The following RGS22 variants were observed in gnomAD, a reference collection of about 807,000 sequenced individuals.
The protein encoded by RGS22 is regulator of G protein signaling 22, also known as regulator of G-protein signaling 22.
RGS22 carries 148 observed loss-of-function variants against 172.9 expected under a neutral mutation model. The observed-to-expected ratio is 0.86, with a 90% CI of 0.75 to 0.98. The LOEUF is 0.98. Among genes scored for constraint, RGS22 ranks in the 50% least tolerant of loss-of-function variants. RGS22 has a pLI of 0.00. For missense variants in RGS22, 1,347 were observed against 1,440.8 expected, an observed-to-expected ratio of 0.93 and a Z score of 1.05; for synonymous variants, 458 against 480.2, an observed-to-expected ratio of 0.95 and a Z score of 0.60.
intron 2 of RGS22, among the ~76,000 whole-genome samples, chr8:100,094,569 A>T (rs1469527070): frequency 6.6e-6 from 1 of 152,186 alleles, no homozygotes; most frequent in Non-Finnish European, 1.5e-5. Flanking sequence ...ACCTTAAAAG[A>T]TTTAGTTTTC....
At chr8:100,070,048 AC>A (rs200599771) in intron 6 of RGS22, among the ~76,000 whole-genome samples, 1,822 of 117,978 alleles carry the variant, frequency 0.015, 93 homozygotes, top group African/African-American at 0.036. Flanking sequence ...AAAAAAAAAA[AC>A]AAAACAAAAC....
chr8:100,086,175 TTAAAAA>T (rs1400077843), intron 3 of RGS22, among the ~76,000 whole-genome samples: 2 of 151,742 alleles, frequency 1.3e-5, no homozygotes, highest in Non-Finnish European at 2.9e-5. Flanking sequence ...CCCACAAAAA[TTAAAAA>T]TAAAAATAAA....
chr8:100,048,241 G>T (rs1402404326), intron 10 of RGS22, among the ~76,000 whole-genome samples: 1 of 152,028 alleles, frequency 6.6e-6, no homozygotes, highest in East Asian at 1.9e-4. Context: ...ATACTTAAAA[G>T]TAGTAGTTAC....
At chr8:100,091,138 A>G (rs1295781721) in intron 3 of RGS22, among the ~76,000 whole-genome samples, 2 of 152,106 alleles carry the variant, frequency 1.3e-5, no homozygotes, top group Non-Finnish European at 2.9e-5. Context: ...TTTGCCAGAC[A>G]CTTAGTTTGA....
chr8:99,989,300 C>A (rs560971822), intron 20 of RGS22, among the ~76,000 whole-genome samples: 1 of 152,090 alleles, frequency 6.6e-6, no homozygotes, highest in Admixed American at 6.6e-5. Context: ...AGGAAGACTA[C>A]GTTTATCATG....
In RGS22 at chr8:100,028,090, C is replaced by T. The variant is rs1818374631; in HGVS notation, c.2166+10841G>A. Among the ~76,000 whole-genome samples, 3 of 152,014 alleles carry T rather than the reference C, an allele frequency of 2.0e-5. No individual in the cohort carries two copies. The South Asian group carries it at 6.2e-4, about 32-fold the overall frequency. ...TGGTAGATGTGGGGGGTCTTAGTGT[C>T]ACTTTTCGCCTCTAAGAGCCCAGGG... On this transcript the variant is annotated intron_variant, in intron 14 of 27. Coordinates refer to ENST00000360863, the MANE Select transcript of RGS22 (RefSeq NM_015668.5).
Position 99,961,061 on chromosome 8 carries a change from AT to A in RGS22, c.*180del, listed in dbSNP as rs1810142111. On this transcript the variant is annotated 3_prime_UTR_variant, in exon 28 of 28. Transcript: ENST00000360863. The stretch of plus-strand genomic sequence containing the variant: ...AAACTGCGAGAGTAAGACAAGCCAA[AT>A]TTTCTTTATTTATTTCCCACCTGGA... 1 of 375,240 alleles carries A rather than the reference AT, an allele frequency of 2.7e-6. No homozygotes were observed. Among genetic ancestry groups the A allele is most frequent in the Non-Finnish European group, 5.2e-6 (1 of 193,022 alleles). The allele number at this position is 375,240 out of a possible 1,614,324, so 23.2% of individuals were successfully genotyped here.
chr8:99,972,076 A>T (rs1211682474), intron 23 of RGS22, among the ~76,000 whole-genome samples: 3 of 152,304 alleles, frequency 2.0e-5, no homozygotes, highest in South Asian at 4.1e-4. Flanking sequence ...AACAGAACAG[A>T]GGCCTCAGAA....
rs1812333185 is a variant in RGS22 at position 99,979,618 on chromosome 8, C to T, written c.3361-1543G>A. 2.0e-5 allele frequency among the ~76,000 whole-genome samples: 3 copies of T among 152,126 alleles called. No individual in the cohort carries two copies. The South Asian group carries it at 6.2e-4, about 32-fold the overall frequency. ...AGTGGGAGTGAGGGATAGACAGAGGCTACACTGATACAATGCTAAAACTGT... is the reference window on the plus strand; with the variant it reads ...AGTGGGAGTGAGGGATAGACAGAGGTTACACTGATACAATGCTAAAACTGT... On this transcript the variant is annotated intron_variant, in intron 22 of 27. Transcript: ENST00000360863.
intron 7 of RGS22, 30 bp downstream of exon 7, chr8:100,066,137 C>T (rs375483883): frequency 6.2e-7 from 1 of 1,601,730 alleles, no homozygotes; most frequent in Non-Finnish European, 8.5e-7. Flanking sequence ...AAGAGAAGTT[C>T]TGAAGTCATT....
At chr8:100,044,626 C>CTTTTTT (rs542203635) in intron 11 of RGS22, among the ~76,000 whole-genome samples, 1 of 128,838 alleles carries the variant, frequency 7.8e-6, no homozygotes, top group Admixed American at 7.8e-5. Flanking sequence ...ATTACCCTTT[C>CTTTTTT]TTTTTTTTTT....
intron 10 of RGS22, among the ~76,000 whole-genome samples, chr8:100,050,410 G>A (rs947978266): frequency 3.3e-5 from 5 of 152,202 alleles, no homozygotes; most frequent in Non-Finnish European, 5.9e-5. Flanking sequence ...CAGTTCTGCA[G>A]GTGATTCTAA....
intron 26 of RGS22, 48 bp from the exon 27 acceptor site, chr8:99,962,491 A>C: frequency 6.4e-7 from 1 of 1,573,640 alleles, no homozygotes; most frequent in South Asian, 1.1e-5. Context: ...TTTCCTCCTT[A>C]GCAGAGGAGA....
intron 3 of RGS22, among the ~76,000 whole-genome samples, chr8:100,085,944 T>C (rs1218921083): frequency 1.3e-5 from 2 of 152,092 alleles, no homozygotes; most frequent in Admixed American, 6.5e-5. Context: ...ACAAGCACAA[T>C]AGAAGAACAT....
In RGS22 at chr8:99,987,511, C is replaced by G. The variant is rs760075875; in HGVS notation, c.3127G>C (p.Gly1043Arg). Residue 1043 changes from glycine to arginine, a missense_variant, in exon 21 of 28, where the codon GGA (glycine) becomes CGA (arginine). Coordinates refer to ENST00000360863, the MANE Select transcript of RGS22 (RefSeq NM_015668.5). ...AGTAAACCATTTTCCAATAAATCTC[C>G]TTTTAGAGCCACAAAACGTTGAAAT... ...RQFQRFVALK[G>R]DLLENGLLFW... is the part of the protein sequence containing the mutation. 9 of 1,611,680 alleles carry G rather than the reference C, an allele frequency of 5.6e-6. No homozygotes were observed. The highest frequency in any genetic ancestry group is 1.3e-5 in the African/African-American group (1 of 74,960).
At chr8:100,017,944 G>A (rs1817184049) in intron 14 of RGS22, among the ~76,000 whole-genome samples, 1 of 152,226 alleles carries the variant, frequency 6.6e-6, no homozygotes, top group African/African-American at 2.4e-5. Flanking sequence ...TTCAAGCAGA[G>A]ATTCACTCAC....
intron 23 of RGS22, among the ~76,000 whole-genome samples, chr8:99,975,481 A>G (rs1811830437): frequency 6.6e-6 from 1 of 152,008 alleles, no homozygotes; most frequent in African/African-American, 2.4e-5. Context: ...AAAGGACAAG[A>G]TATTTTGCTA....
intron 9 of RGS22, among the ~76,000 whole-genome samples, chr8:100,053,631 A>ATTCT (rs1195783952): frequency 6.6e-6 from 1 of 152,168 alleles, no homozygotes; most frequent in Non-Finnish European, 1.5e-5. Context: ...ATTAACGTTT[A>ATTCT]AAACATACAA....
intron 10 of RGS22, 59 bp downstream of exon 10, chr8:100,052,743 C>T (rs939764464): frequency 2.1e-6 from 3 of 1,448,736 alleles, no homozygotes; most frequent in African/African-American, 2.8e-5. Flanking sequence ...CACAAACACT[C>T]AAGCATACAT....
Sources: allele counts gnomAD v4.1 joint callset (sites outside exome capture counted in the v4.1 genomes callset), GRCh38; gene constraint gnomAD v4.1.1; transcripts MANE v1.5; gene names NCBI Gene and HGNC (gene_info 2026-07-23, HGNC 2026-07-21).